Variants in RGS6 observed in about 807,000 individuals in gnomAD.
The protein encoded by RGS6 is regulator of G protein signaling 6, also known as regulator of G-protein signaling 6.
A neutral mutation model predicts 78.5 loss-of-function variants in RGS6; 30 were observed. The ratio of observed to expected loss-of-function variants is 0.38; its 90% confidence interval spans 0.29 to 0.52. The LOEUF (loss-of-function observed/expected upper bound fraction) is 0.52. RGS6 is among the 20% of genes least tolerant of loss of function. The probability of loss-of-function intolerance (pLI) is 0.85; values close to 1 mark genes in which losing one functional copy is unlikely to be tolerated. For synonymous variants in RGS6, 206 were observed against 206.0 expected (o/e 1.00, Z 0.00); for missense variants, 495 against 609.7 (o/e 0.81, Z 1.98).
At chr14:72,388,394 C>A (rs1354713815) in intron 3 of RGS6, among the ~76,000 whole-genome samples, 1 of 152,174 alleles carries the variant, frequency 6.6e-6, no homozygotes, top group Non-Finnish European at 1.5e-5. Flanking sequence ...TCACTTGTAA[C>A]CTCTATCTAT....
chr14:71,993,928 A>G (rs1054599115), intron 2 of RGS6, among the ~76,000 whole-genome samples: 2 of 151,598 alleles, frequency 1.3e-5, no homozygotes, highest in Admixed American at 6.6e-5. Context: ...AGGGAAAAGG[A>G]AGAGTTGGAA....
rs185229006 is a variant in RGS6, at chr14:72,498,080, T to C, written c.965+2818T>C. Among the ~76,000 whole-genome samples the C allele has an allele frequency of 2.2e-3, 329 of 152,310 alleles. 1 individual carries two copies. The highest frequency in any genetic ancestry group is 7.8e-3 in the African/African-American group (323 of 41,582). On this transcript the variant is annotated intron_variant, in intron 13 of 17. Transcript: ENST00000553525. ...GTGATTTTATACTTTAGAGAGTTTTTCTTTTCCCACTGAGTGTTGGGAGAG... is the reference window on the plus strand; with the variant it reads ...GTGATTTTATACTTTAGAGAGTTTTCCTTTTCCCACTGAGTGTTGGGAGAG...
chr14:72,558,384 G>C (rs985707068), intron 17 of RGS6, among the ~76,000 whole-genome samples: 4 of 152,138 alleles, frequency 2.6e-5, no homozygotes, highest in Admixed American at 2.6e-4. Flanking sequence ...GCTACTCTCT[G>C]AGCCACAGCC....
At chr14:72,253,174 G>A (rs920809313) in intron 2 of RGS6, among the ~76,000 whole-genome samples, 1 of 152,224 alleles carries the variant, frequency 6.6e-6, no homozygotes, top group African/African-American at 2.4e-5. Flanking sequence ...TGCTTAGGCT[G>A]TAAGAGCCAT....
At chr14:72,067,356 A>G (rs1016968810) in intron 2 of RGS6, among the ~76,000 whole-genome samples, 6 of 152,070 alleles carry the variant, frequency 3.9e-5, no homozygotes, top group African/African-American at 1.4e-4. Flanking sequence ...AAATATACCT[A>G]ATGCATGCGG....
intron 11 of RGS6, among the ~76,000 whole-genome samples, 193 bp from the exon 12 acceptor site, chr14:72,478,075 A>C (rs1471572559): frequency 6.6e-6 from 1 of 152,172 alleles, no homozygotes. Context: ...TAAATTGCAG[A>C]ATATGAATCT....
At chr14:72,390,412 T>C (rs369578145) in intron 3 of RGS6, among the ~76,000 whole-genome samples, 1 of 152,316 alleles carries the variant, frequency 6.6e-6, no homozygotes. Flanking sequence ...GCCATAGTTC[T>C]TGGTGGAAAG....
the RGS6 span, among the ~76,000 whole-genome samples, chr14:72,609,208 G>T: frequency 6.6e-6 from 1 of 152,134 alleles, no homozygotes; most frequent in African/African-American, 2.4e-5. Flanking sequence ...ATGGGATATC[G>T]AGGGGTCCCA....
In RGS6 at chr14:72,563,061, C is replaced by A. The variant is rs902925711; in HGVS notation, c.*594C>A. On this transcript the variant is annotated 3_prime_UTR_variant, in exon 18 of 18. Transcript: ENST00000553525. The stretch of plus-strand genomic sequence containing the variant: ...AATCACATCTTCAGCAAGAAAGCAA[C>A]CTCACGGATTGCCCCGCCTCAAGGT... 2.2e-6 allele frequency: 1 copy of A among 448,516 alleles called. No homozygotes were observed. The highest frequency in any genetic ancestry group is 2.0e-5 in the African/African-American group (1 of 50,330). 27.8% of individuals were successfully genotyped at this position (448,516 alleles called of 1,614,324 possible).
chr14:72,249,981 G>A (rs1000241052), intron 2 of RGS6, among the ~76,000 whole-genome samples: 3 of 150,774 alleles, frequency 2.0e-5, no homozygotes, highest in Non-Finnish European at 2.9e-5. Context: ...TCAGTAAGCT[G>A]TCGCAAGAAC....
chr14:72,118,245 A>G (rs2095955523), intron 2 of RGS6, among the ~76,000 whole-genome samples: 1 of 152,028 alleles, frequency 6.6e-6, no homozygotes, highest in Non-Finnish European at 1.5e-5. Flanking sequence ...ACACCTTCAT[A>G]GATTTTGAGT....
intron 2 of RGS6, among the ~76,000 whole-genome samples, chr14:72,053,065 C>CTTCCCTCCCT (rs1229116736): frequency 4.5e-5 from 1 of 22,332 alleles, no homozygotes; most frequent in Non-Finnish European, 8.2e-5. Context: ...CCCTCCCTCC[C>CTTCCCTCCCT]TCCCTCCCTC....
chr14:72,132,210 A>G (rs2096335636), intron 2 of RGS6, among the ~76,000 whole-genome samples: 1 of 151,858 alleles, frequency 6.6e-6, no homozygotes, highest in African/African-American at 2.4e-5. Context: ...GGTACCAGGC[A>G]CTATATTTGG....
At chr14:72,173,676 G>T (rs967860252) in intron 2 of RGS6, among the ~76,000 whole-genome samples, 2 of 152,254 alleles carry the variant, frequency 1.3e-5, no homozygotes, top group South Asian at 4.1e-4. Flanking sequence ...GGGCTTTGGG[G>T]CTGTCTTGTG....
chr14:72,261,353 A>G (rs908573779), intron 2 of RGS6, among the ~76,000 whole-genome samples: 3 of 152,214 alleles, frequency 2.0e-5, no homozygotes, highest in Non-Finnish European at 4.4e-5. Context: ...GGTAAAAGGA[A>G]AGGCTACAGT....
the RGS6 span, among the ~76,000 whole-genome samples, chr14:72,587,403 G>T: frequency 6.6e-6 from 1 of 152,004 alleles, no homozygotes. Flanking sequence ...CTATCACCTC[G>T]CCCCTTGTTT....
the RGS6 span, among the ~76,000 whole-genome samples, chr14:72,602,746 T>A: frequency 1.3e-5 from 2 of 152,212 alleles, no homozygotes; most frequent in Admixed American, 1.3e-4. Context: ...ATTAAAAGCA[T>A]ACAGGAGTGC....
chr14:72,041,604 T>C (rs1008355305), intron 2 of RGS6, among the ~76,000 whole-genome samples: 3 of 152,224 alleles, frequency 2.0e-5, no homozygotes, highest in African/African-American at 7.2e-5. Context: ...GTAGGTTGTT[T>C]TCTCCCAATT....
the RGS6 span, among the ~76,000 whole-genome samples, chr14:71,874,575 A>G: frequency 6.6e-6 from 1 of 152,234 alleles, no homozygotes; most frequent in Non-Finnish European, 1.5e-5. Flanking sequence ...ATGTACAATC[A>G]TATCATCTGC....
Sources: allele counts gnomAD v4.1 joint callset (sites outside exome capture counted in the v4.1 genomes callset), GRCh38; gene constraint gnomAD v4.1.1; transcripts MANE v1.5; gene names NCBI Gene and HGNC (gene_info 2026-07-23, HGNC 2026-07-21).